The following PLD1 variants were observed in gnomAD, a reference collection of about 807,000 sequenced individuals.
PLD1 encodes the protein choline phosphatase 1.
In PLD1, 112 loss-of-function variants were observed where a neutral mutation model predicts 137.1. That is an observed-to-expected ratio of 0.82 (90% CI 0.70 to 0.96). The LOEUF (loss-of-function observed/expected upper bound fraction) is 0.96, where lower values mean the gene tolerates loss of function less well. Ranked by LOEUF, PLD1 falls within the 40% of genes least tolerant of loss-of-function variation. The pLI, the probability that PLD1 is intolerant of heterozygous loss-of-function variation, is 0.00. For missense variants in PLD1, 1,321 were observed against 1,342.0 expected (o/e 0.98, Z 0.24); for synonymous variants, 431 against 454.7 (o/e 0.95, Z 0.66).
At chr3:171,613,038 C>T (rs1228260992) in intron 24 of PLD1, among the ~76,000 whole-genome samples, 4 of 152,054 alleles carry the variant, frequency 2.6e-5, no homozygotes, top group Admixed American at 6.6e-5. Context: ...AGTGTGGTGA[C>T]GCATGCCTGT....
intron 13 of PLD1, 21 bp from the exon 14 acceptor site, chr3:171,688,897 A>G: frequency 6.3e-7 from 1 of 1,576,108 alleles, no homozygotes; most frequent in Non-Finnish European, 8.7e-7. Flanking sequence ...AATAATCCCC[A>G]CTGATAATAT....
intron 1 of PLD1, among the ~76,000 whole-genome samples, chr3:171,766,398 T>A (rs1721975729): frequency 1.3e-5 from 2 of 152,122 alleles, no homozygotes; most frequent in Non-Finnish European, 2.9e-5. Flanking sequence ...ACCTTCAAAA[T>A]AACCCCTAAA....
At chr3:171,771,026 A>T (rs1353414429) in intron 1 of PLD1, among the ~76,000 whole-genome samples, 3 of 152,114 alleles carry the variant, frequency 2.0e-5, no homozygotes, top group African/African-American at 7.2e-5. Flanking sequence ...TGGTCAAAAA[A>T]TGCATATATT....
chr3:171,795,343 C>T (rs180692504), intron 1 of PLD1, among the ~76,000 whole-genome samples: 2 of 151,910 alleles, frequency 1.3e-5, no homozygotes, highest in Admixed American at 1.3e-4. Context: ...AAAAGCTTCT[C>T]CCTTTTTTTC....
At chr3:171,604,021 G>A (rs1732012376) in intron 26 of PLD1, among the ~76,000 whole-genome samples, 1 of 152,008 alleles carries the variant, frequency 6.6e-6, no homozygotes. Flanking sequence ...CATGGCCTTC[G>A]GTCCATGAAA....
chr3:171,649,587 G>A (rs1212385244), intron 21 of PLD1, among the ~76,000 whole-genome samples: 2 of 152,140 alleles, frequency 1.3e-5, no homozygotes, highest in African/African-American at 4.8e-5. Context: ...TCAGCTTAGG[G>A]TAAGAATCTG....
intron 23 of PLD1, among the ~76,000 whole-genome samples, chr3:171,629,992 C>T (rs192006992): frequency 1.1e-4 from 17 of 152,326 alleles, no homozygotes; most frequent in African/African-American, 4.1e-4. Context: ...GCAATAGCAA[C>T]AAAAGCCAAA....
intron 24 of PLD1, among the ~76,000 whole-genome samples, chr3:171,618,131 A>G (rs750624569): frequency 5.9e-5 from 9 of 152,270 alleles, no homozygotes; most frequent in East Asian, 1.9e-4. Flanking sequence ...AAAGGAATCC[A>G]GCCTCCAAGG....
At chr3:171,803,373 A>G (rs1195707396) in intron 1 of PLD1, among the ~76,000 whole-genome samples, 1 of 152,216 alleles carries the variant, frequency 6.6e-6, no homozygotes, top group East Asian at 1.9e-4. Context: ...GGGGTGGAGA[A>G]GCTCGGATAT....
At chr3:171,622,159 A>G (rs1733694674) in intron 23 of PLD1, among the ~76,000 whole-genome samples, 1 of 152,220 alleles carries the variant, frequency 6.6e-6, no homozygotes, top group African/African-American at 2.4e-5. Flanking sequence ...GGAATCATGG[A>G]GCAGGACCTT....
chr3:171,615,976 T>C (rs1333037936), intron 24 of PLD1, among the ~76,000 whole-genome samples: 5 of 152,238 alleles, frequency 3.3e-5, no homozygotes, highest in Non-Finnish European at 7.3e-5. Context: ...GGGGAGTCTG[T>C]ATTGCTCCAC....
At position 171,662,101 on chromosome 3, in the gene PLD1, C is replaced by T. The variant is rs764791764; in HGVS notation, c.2299G>A (p.Val767Ile). The T allele has an allele frequency of 1.5e-5, 25 of 1,613,058 alleles. No homozygotes were observed. The South Asian group carries it at 1.6e-4, about 11-fold the overall frequency. The change falls in exon 20 of 27, where the codon GTC becomes ATC. Residue 767 changes from valine (V) to isoleucine (I), a missense_variant. Physicochemically the swap from Val to Ile is conservative, Grantham distance 29. Transcript: ENST00000351298. ...YHEESIHAAY[V>I]HVIENSRHYI... Reference sequence around the variant, plus strand: ...TGCCTGCTGTTCTCTATCACATGGACGTAAGCGGCGTGGATGGACTCTTCA... The same window carrying T: ...TGCCTGCTGTTCTCTATCACATGGATGTAAGCGGCGTGGATGGACTCTTCA...
intron 21 of PLD1, 111 bp from the exon 22 acceptor site, chr3:171,645,134 A>G: frequency 1.4e-6 from 1 of 724,264 alleles, no homozygotes; most frequent in Non-Finnish European, 2.5e-6. Context: ...ATGGCTTCCT[A>G]CAACACGTTC....
chr3:171,668,957 A>T (rs1712450823), intron 19 of PLD1, among the ~76,000 whole-genome samples: 1 of 152,240 alleles, frequency 6.6e-6, no homozygotes, highest in African/African-American at 2.4e-5. Context: ...CCTGCTACCC[A>T]TGCCTTTTCC....
intron 1 of PLD1, among the ~76,000 whole-genome samples, chr3:171,746,828 A>T (rs1195945937): frequency 2.0e-5 from 3 of 152,234 alleles, no homozygotes; most frequent in African/African-American, 7.2e-5. Flanking sequence ...ATAAGGCAAT[A>T]AAAGCAGGCT....
chr3:171,618,719 TA>T (rs1460242082), intron 24 of PLD1, among the ~76,000 whole-genome samples: 2 of 111,006 alleles, frequency 1.8e-5, no homozygotes, highest in Non-Finnish European at 3.8e-5. Flanking sequence ...TAAAAGTGTG[TA>T]TGTGTGTGTG....
chr3:171,614,116 GT>G (rs1236980421), intron 24 of PLD1, among the ~76,000 whole-genome samples: 1 of 152,210 alleles, frequency 6.6e-6, no homozygotes, highest in Non-Finnish European at 1.5e-5. Context: ...ATATTGTCAT[GT>G]GGTTAATATA....
intron 1 of PLD1, among the ~76,000 whole-genome samples, chr3:171,746,585 G>A (rs563145000): frequency 2.6e-5 from 4 of 152,134 alleles, no homozygotes; most frequent in African/African-American, 9.6e-5. Flanking sequence ...CTAGCTCAAG[G>A]TTTGTAAATA....
At chr3:171,781,194 A>G (rs1722783555) in intron 1 of PLD1, among the ~76,000 whole-genome samples, 1 of 151,976 alleles carries the variant, frequency 6.6e-6, no homozygotes, top group Admixed American at 6.6e-5. Flanking sequence ...TCATGAAGGT[A>G]AGAGAAAAAT....
Sources: allele counts gnomAD v4.1 joint callset (sites outside exome capture counted in the v4.1 genomes callset), GRCh38; gene constraint gnomAD v4.1.1; transcripts MANE v1.5; gene names NCBI Gene and HGNC (gene_info 2026-07-23, HGNC 2026-07-21).